The following ATRX variants were observed in gnomAD, a reference collection of about 807,000 sequenced individuals.
The protein encoded by ATRX is ATRX chromatin remodeler.
Under a neutral mutation model 172.6 loss-of-function variants are expected in ATRX, and 12 were observed. The observed-to-expected ratio is 0.07, with a 90% CI of 0.04 to 0.11. The LOEUF (loss-of-function observed/expected upper bound fraction) is 0.11. Ranked by LOEUF, ATRX falls within the 10% of genes least tolerant of loss-of-function variation. The pLI is 1.00. For missense variants in ATRX, 1,368 were observed against 1,767.4 expected, an observed-to-expected ratio of 0.77 and a Z score of 4.05; for synonymous variants, 674 against 594.7, an observed-to-expected ratio of 1.13 and a Z score of -1.94.
chrX:77,663,285 A>C, intron 12 of ATRX, 97 bp downstream of exon 12: 2 of 1,000,865 alleles, frequency 2.0e-6, no homozygotes, highest in Non-Finnish European at 2.8e-6. Context: ...GGGCTCAAGC[A>C]ATCTGCCCAC....
chrX:77,691,118 ATTTT>A (rs1410003909), intron 6 of ATRX: 1 of 112,496 alleles, frequency 8.9e-6, no homozygotes, highest in African/African-American at 3.2e-5. Flanking sequence ...ACAGCATATT[ATTTT>A]GTTATACTTT....
At chrX:77,654,280 T>A in intron 13 of ATRX, 80 bp from the exon 14 acceptor site, 1 of 816,856 alleles carries the variant, frequency 1.2e-6, no homozygotes, top group Non-Finnish European at 1.8e-6. Context: ...TTAAAACTGT[T>A]CTACCTCTGT....
intron 19 of ATRX, among the ~76,000 whole-genome samples, chrX:77,627,177 G>A (rs1337935303): frequency 2.7e-5 from 3 of 111,210 alleles, no homozygotes; most frequent in Non-Finnish European, 5.7e-5. Flanking sequence ...AGCTCGCAGT[G>A]AGCCGAGATC....
intron 1 of ATRX, among the ~76,000 whole-genome samples, chrX:77,732,345 A>T (rs1448446014): frequency 8.9e-6 from 1 of 112,040 alleles, no homozygotes; most frequent in African/African-American, 3.2e-5. Context: ...CACAAGTCCA[A>T]CAAAGGGGCC....
At chrX:77,632,844 A>T (rs936232465) in intron 19 of ATRX, among the ~76,000 whole-genome samples, 3 of 111,698 alleles carry the variant, frequency 2.7e-5, no homozygotes, top group African/African-American at 9.8e-5. Context: ...TAATGACATG[A>T]AGTTTGGAAA....
intron 1 of ATRX, among the ~76,000 whole-genome samples, chrX:77,717,966 T>G (rs2073532519): frequency 9.0e-6 from 1 of 111,721 alleles, no homozygotes; most frequent in South Asian, 3.7e-4. Context: ...AACAAATAGC[T>G]GACCCTTGTA....
At chrX:77,772,935 A>C (rs1269481679) in intron 1 of ATRX, among the ~76,000 whole-genome samples, 1 of 101,159 alleles carries the variant, frequency 9.9e-6, no homozygotes, top group Non-Finnish European at 2.0e-5. Flanking sequence ...GCAGCCTCAG[A>C]CTCCTGTGCT....
chrX:77,741,239 A>G (rs1260659975), intron 1 of ATRX, among the ~76,000 whole-genome samples: 1 of 111,464 alleles, frequency 9.0e-6, no homozygotes, highest in Non-Finnish European at 1.9e-5. Context: ...AATTTAAAAA[A>G]GTAAAGTCAT....
chrX:77,575,939 T>C (rs1375849302), intron 27 of ATRX, among the ~76,000 whole-genome samples: 2 of 111,613 alleles, frequency 1.8e-5, no homozygotes, highest in Non-Finnish European at 3.8e-5. Flanking sequence ...GCACATAATA[T>C]ATGTGTCTGT....
chrX:77,679,468 CTGAGA>C (rs1313978916), intron 9 of ATRX, among the ~76,000 whole-genome samples: 1 of 111,653 alleles, frequency 9.0e-6, no homozygotes, highest in African/African-American at 3.3e-5. Flanking sequence ...TAGATCAGTG[CTGAGA>C]TAAGTAATTA....
intron 9 of ATRX, among the ~76,000 whole-genome samples, chrX:77,680,731 A>G (rs2071139644): frequency 9.0e-6 from 1 of 111,426 alleles, no homozygotes; most frequent in Admixed American, 9.6e-5. Flanking sequence ...CATAGAACTG[A>G]CAGGTCTTAC....
intron 34 of ATRX, among the ~76,000 whole-genome samples, chrX:77,509,961 A>G: frequency 9.5e-6 from 1 of 104,952 alleles, no homozygotes; most frequent in African/African-American, 3.6e-5. Context: ...GGTGGCCAGG[A>G]GATTGCTTGT....
intron 7 of ATRX, among the ~76,000 whole-genome samples, chrX:77,685,860 TA>T (rs782465805): frequency 2.7e-5 from 3 of 111,610 alleles, no homozygotes; most frequent in African/African-American, 9.8e-5. Flanking sequence ...TATTCAGCCA[TA>T]AAAAAGAATG....
intron 30 of ATRX, 108 bp from the exon 31 acceptor site, chrX:77,523,509 T>C: frequency 1.3e-6 from 1 of 798,075 alleles, no homozygotes; most frequent in Non-Finnish European, 1.8e-6. Context: ...CTGATTGCTA[T>C]ATATATTTCT....
At chrX:77,616,776 C>A (rs372761444) in intron 21 of ATRX, 46 bp from the exon 22 acceptor site, 20 of 903,536 alleles carry the variant, frequency 2.2e-5, no homozygotes, top group Non-Finnish European at 3.2e-5. Flanking sequence ...AAATATTTAA[C>A]AGGAATGAAC....
intron 30 of ATRX, among the ~76,000 whole-genome samples, chrX:77,545,334 T>C (rs1351203178): frequency 8.9e-6 from 1 of 112,084 alleles, no homozygotes; most frequent in African/African-American, 3.2e-5. Flanking sequence ...AAAGGCAATA[T>C]GAATTCCAGA....
rs989185795 is a variant in ATRX at position 77,665,188 on chromosome X, G to C, written c.3810-410C>G. ...ATGGCATTCCAAGATAAAACTCCAC[G>C]AGAGGTTTTATTCAACAGCAAAATA... On this transcript the variant is annotated intron_variant, in intron 10 of 34. Coordinates refer to ENST00000373344, the MANE Select transcript of ATRX (RefSeq NM_000489.6). Among the ~76,000 whole-genome samples, 4 of 111,977 alleles carry C rather than the reference G, an allele frequency of 3.6e-5. No homozygotes were observed. The Admixed American group carries it at 3.8e-4, about 11-fold the overall frequency.
chrX:77,572,497 G>C (rs1335729916), intron 28 of ATRX, among the ~76,000 whole-genome samples: 1 of 111,202 alleles, frequency 9.0e-6, no homozygotes, highest in African/African-American at 3.3e-5. Flanking sequence ...ATGTTTAGGG[G>C]TAATTCACTA....
At chrX:77,726,846 T>C (rs374628517) in intron 1 of ATRX, among the ~76,000 whole-genome samples, 2 of 109,563 alleles carry the variant, frequency 1.8e-5, no homozygotes, top group South Asian at 3.9e-4. Context: ...AAAAAAACTA[T>C]AGGCCATGAT....
Sources: allele counts gnomAD v4.1 joint callset (sites outside exome capture counted in the v4.1 genomes callset), GRCh38; gene constraint gnomAD v4.1.1; transcripts MANE v1.5; gene names NCBI Gene and HGNC (gene_info 2026-07-23, HGNC 2026-07-21).